The following LOC400499 variants were observed in gnomAD, a reference collection of about 807,000 sequenced individuals.
the LOC400499 span, chr16:11,518,978 A>G: frequency 2.5e-6 from 1 of 398,880 alleles, no homozygotes; most frequent in Non-Finnish European, 4.4e-6. Flanking sequence ...GAGCTGAAGC[A>G]CAAAGCACCG....
chr16:11,448,621 G>C, the LOC400499 span, among the ~76,000 whole-genome samples: 1 of 152,208 alleles, frequency 6.6e-6, no homozygotes, highest in Non-Finnish European at 1.5e-5. Flanking sequence ...TAACTACTTA[G>C]TAGGCTGAGC....
At chr16:11,396,800 C>G in the LOC400499 span, 1 of 759,736 alleles carries the variant, frequency 1.3e-6, no homozygotes, top group African/African-American at 1.8e-5. Context: ...TCGCAGCTCA[C>G]AGCTGACCTC....
the LOC400499 span, chr16:11,446,774 G>A: frequency 6.5e-7 from 1 of 1,535,948 alleles, no homozygotes; most frequent in African/African-American, 1.4e-5. Context: ...TGGCAGCCCA[G>A]GACCATGGTC....
At chr16:11,418,236 T>A in the LOC400499 span, among the ~76,000 whole-genome samples, 1 of 152,168 alleles carries the variant, frequency 6.6e-6, no homozygotes, top group Non-Finnish European at 1.5e-5. Flanking sequence ...TCAGAGGCAT[T>A]TGAACCAGAG....
chr16:11,487,418 T>C, the LOC400499 span: 3 of 398,736 alleles, frequency 7.5e-6, no homozygotes, highest in Non-Finnish European at 1.3e-5. Context: ...CAGTACACTC[T>C]GTACACTCAC....
At chr16:11,437,203 G>T in the LOC400499 span, among the ~76,000 whole-genome samples, 2 of 152,176 alleles carry the variant, frequency 1.3e-5, no homozygotes, top group South Asian at 2.1e-4. Flanking sequence ...ATTTTTTAGG[G>T]CAGGGAAACT....
At chr16:11,459,555 C>T in the LOC400499 span, among the ~76,000 whole-genome samples, 1 of 152,226 alleles carries the variant, frequency 6.6e-6, no homozygotes, top group East Asian at 1.9e-4. Context: ...AGAACCACCA[C>T]CTGTTCAGCT....
chr16:11,393,581 C>T, the LOC400499 span: 1 of 1,232,274 alleles, frequency 8.1e-7, no homozygotes, highest in Non-Finnish European at 1.0e-6. Context: ...AAGGCAGAGG[C>T]CTGAGTGGAG....
the LOC400499 span, chr16:11,501,034 C>G: frequency 1.8e-5 from 7 of 398,298 alleles, 1 homozygote; most frequent in South Asian, 9.1e-4. Flanking sequence ...CGAAGTCACC[C>G]GGGGGTAAAC....
chr16:11,459,270 C>T, the LOC400499 span, among the ~76,000 whole-genome samples: 3 of 142,210 alleles, frequency 2.1e-5, no homozygotes, highest in East Asian at 2.2e-4. Flanking sequence ...GATCTCGGCT[C>T]ACTGCAAGCT....
the LOC400499 span, among the ~76,000 whole-genome samples, chr16:11,373,178 A>C: frequency 1.3e-5 from 2 of 152,200 alleles, no homozygotes; most frequent in Non-Finnish European, 2.9e-5. Flanking sequence ...TGAGATCTTC[A>C]GTACAGCATG....
chr16:11,504,660 T>C, the LOC400499 span, among the ~76,000 whole-genome samples: 1 of 151,170 alleles, frequency 6.6e-6, no homozygotes, highest in Non-Finnish European at 1.5e-5. Flanking sequence ...CAGTGGCTCA[T>C]GCCTGTAATG....
the LOC400499 span, among the ~76,000 whole-genome samples, chr16:11,412,448 A>G: frequency 1.3e-5 from 2 of 152,128 alleles, no homozygotes; most frequent in Admixed American, 6.5e-5. Context: ...CCCCTTCAAC[A>G]AGTGGCTTAC....
the LOC400499 span, among the ~76,000 whole-genome samples, chr16:11,411,878 C>T: frequency 1.3e-5 from 2 of 148,928 alleles, no homozygotes; most frequent in Non-Finnish European, 3.0e-5. Flanking sequence ...TCCTTCTTCA[C>T]TAGAGACAGG....
At chr16:11,392,848 G>A in the LOC400499 span, 16 of 939,230 alleles carry the variant, frequency 1.7e-5, no homozygotes, top group South Asian at 4.8e-5. Flanking sequence ...AGGTTTTTTC[G>A]TTTTTGTTTT....
chr16:11,505,531 G>A, the LOC400499 span, among the ~76,000 whole-genome samples: 1 of 119,468 alleles, frequency 8.4e-6, no homozygotes, highest in South Asian at 2.8e-4. Context: ...ACAGCTCACT[G>A]TAGCCTTAAC....
chr16:11,372,751 G>C, the LOC400499 span: 2 of 983,092 alleles, frequency 2.0e-6, no homozygotes, highest in South Asian at 4.7e-5. Context: ...GTAAAGGAGA[G>C]AGAAAAGTAA....
chr16:11,452,561 A>T, the LOC400499 span, among the ~76,000 whole-genome samples: 1 of 152,218 alleles, frequency 6.6e-6, no homozygotes, highest in Non-Finnish European at 1.5e-5. Context: ...GGGATGGCAC[A>T]GGCCTGGGTT....
chr16:11,458,932 G>A, the LOC400499 span, among the ~76,000 whole-genome samples: 1 of 151,808 alleles, frequency 6.6e-6, no homozygotes, highest in Non-Finnish European at 1.5e-5. Context: ...AACTACTCAG[G>A]AGGCTGAGGC....
Sources: gnomAD v4.1 joint callset for allele counts (sites outside exome capture counted in the v4.1 genomes callset) on GRCh38, gnomAD v4.1.1 for gene constraint, MANE v1.5 for transcripts.